The following TIMM23B variants were observed in gnomAD, a reference collection of about 807,000 sequenced individuals.
TIMM23B encodes mitochondrial import inner membrane translocase subunit Tim23B.
TIMM23B carries 27 observed loss-of-function variants against 27.3 expected under a neutral mutation model. The ratio of observed to expected loss-of-function variants is 0.99; its 90% CI spans 0.73 to 1.36. The LOEUF (loss-of-function observed/expected upper bound fraction) is 1.36, where lower values mean the gene tolerates loss of function less well. TIMM23B is among the 40% of genes most tolerant of loss of function. TIMM23B has a pLI of 0.00. For synonymous variants in TIMM23B, 73 were observed against 92.4 expected, an observed-to-expected ratio of 0.79 and a Z score of 1.21; for missense variants, 205 against 244.2, an observed-to-expected ratio of 0.84 and a Z score of 1.07.
chr10:49,957,812 T>A (rs1283557906), intron 5 of TIMM23B, among the ~76,000 whole-genome samples: 1 of 152,182 alleles, frequency 6.6e-6, no homozygotes, highest in Non-Finnish European at 1.5e-5. Flanking sequence ...GACAACCTTA[T>A]AGAACTGTGA....
chr10:49,965,402 A>C (rs2132051534), intron 6 of TIMM23B, among the ~76,000 whole-genome samples: 1 of 150,888 alleles, frequency 6.6e-6, no homozygotes, highest in East Asian at 2.0e-4. Flanking sequence ...AGTCTACGTC[A>C]TGAAATTGAA....
At chr10:49,958,330 A>C in intron 5 of TIMM23B, 40 bp from the exon 6 acceptor site, 5 of 1,542,880 alleles carry the variant, frequency 3.2e-6, no homozygotes, top group Non-Finnish European at 4.5e-6. Context: ...ATCACACTTT[A>C]TCACTGTTTT....
chr10:49,952,604 A>G, intron 4 of TIMM23B, 71 bp downstream of exon 4: 3 of 1,543,332 alleles, frequency 1.9e-6, no homozygotes, highest in Non-Finnish European at 2.7e-6. Flanking sequence ...TTTGATGAGT[A>G]CAACCTTGAG....
In TIMM23B at chr10:49,942,240, G is replaced by A. The variant is rs1839135640; in HGVS notation, c.46G>A (p.Ala16Thr). 1.2e-6 allele frequency: 2 copies of A among 1,612,670 alleles called. No individual in the cohort carries two copies. The highest frequency in any genetic ancestry group is 2.7e-5 in the African/African-American group (2 of 75,020). The change falls in exon 1 of 7, where the codon GCC becomes ACC. Residue 16 changes from alanine (A) to threonine (T), a missense_variant. Transcript: ENST00000651259. ...GSGDKTTGVL[A>T]GFFGAGEAGY... Reference sequence around the variant, plus strand: ...CGGCGACAAAACCACAGGGGTATTGGCCGGCTTTTTCGGAGCCGGCGAAGC... The same window carrying A: ...CGGCGACAAAACCACAGGGGTATTGACCGGCTTTTTCGGAGCCGGCGAAGC...
At chr10:49,960,055 AT>A (rs1403210713) in intron 6 of TIMM23B, among the ~76,000 whole-genome samples, 4 of 120,524 alleles carry the variant, frequency 3.3e-5, no homozygotes, top group Admixed American at 8.4e-5. Flanking sequence ...GCTTATTTTA[AT>A]TTTTTTTTTA....
chr10:49,950,829 A>G (rs1839507287), intron 2 of TIMM23B, among the ~76,000 whole-genome samples: 1 of 152,188 alleles, frequency 6.6e-6, no homozygotes, highest in Non-Finnish European at 1.5e-5. Context: ...GGCGGGAGGC[A>G]CCGTGCCTGG....
chr10:49,965,269 A>G lies in TIMM23B; in HGVS notation c.514+6789A>G, dbSNP rs1840088487. On this transcript the variant is annotated intron_variant, in intron 6 of 6. Transcript: ENST00000651259. ...AAATGAAATAATGAAATTAATAATG[A>G]AATGTGGGTGGCGCACTCCAGCCTG... Among the ~76,000 whole-genome samples the G allele has an allele frequency of 2.0e-5, 3 of 148,820 alleles. No individual in the cohort carries two copies. In the South Asian group the frequency reaches 6.5e-4, roughly 32 times the overall value.
rs1309574848 is a variant in TIMM23B at position 49,948,337 on chromosome 10, A to G, written c.165+3247A>G. Reference sequence around the variant, plus strand: ...TTCTCAAAGTGTTAAAAATAGAGTTACCTTATGACTGGCAATTTCACTTGC... The same window carrying G: ...TTCTCAAAGTGTTAAAAATAGAGTTGCCTTATGACTGGCAATTTCACTTGC... On this transcript the variant is annotated intron_variant, in intron 2 of 6. Transcript: ENST00000651259. Among the ~76,000 whole-genome samples the G allele has an allele frequency of 2.0e-5, 3 of 152,118 alleles. No homozygotes were observed. In the East Asian group the frequency reaches 5.8e-4, roughly 29 times the overall value.
At chr10:49,962,226 C>T (rs1274801412) in intron 6 of TIMM23B, among the ~76,000 whole-genome samples, 67 of 139,848 alleles carry the variant, frequency 4.8e-4, no homozygotes, top group Middle Eastern at 3.5e-3. Flanking sequence ...TTTTTTTAAA[C>T]GGAGTTTTGC....
chr10:49,942,707 G>A (rs1415901443), intron 1 of TIMM23B, among the ~76,000 whole-genome samples: 1 of 152,136 alleles, frequency 6.6e-6, no homozygotes, highest in African/African-American at 2.4e-5. Flanking sequence ...CCAAGTAGCC[G>A]TAAGGGCAGA....
intron 6 of TIMM23B, among the ~76,000 whole-genome samples, chr10:49,960,310 C>T (rs1314352834): frequency 0.057 from 8,525 of 149,710 alleles, 340 homozygotes; most frequent in African/African-American, 0.081. Context: ...CTCAGCCTCC[C>T]AAAGTGCTAG....
intron 6 of TIMM23B, among the ~76,000 whole-genome samples, chr10:49,960,956 T>C (rs1282444448): frequency 6.7e-6 from 1 of 149,864 alleles, no homozygotes; most frequent in Non-Finnish European, 1.5e-5. Flanking sequence ...GACAGAGTAT[T>C]AGAATTATCT....
chr10:49,966,237 C>T (rs1427156589), intron 6 of TIMM23B, among the ~76,000 whole-genome samples: 3 of 150,194 alleles, frequency 2.0e-5, no homozygotes, highest in Non-Finnish European at 4.4e-5. Flanking sequence ...GGTGCGGTGG[C>T]GCACTCCAGC....
At chr10:49,945,537 C>T (rs1219226026) in intron 2 of TIMM23B, among the ~76,000 whole-genome samples, 9 of 152,164 alleles carry the variant, frequency 5.9e-5, no homozygotes, top group African/African-American at 1.9e-4. Context: ...CCCATCACCA[C>T]GCCTGGCTAA....
intron 2 of TIMM23B, among the ~76,000 whole-genome samples, chr10:49,949,184 C>T (rs1181139657): frequency 6.9e-6 from 1 of 145,194 alleles, no homozygotes; most frequent in Admixed American, 6.9e-5. Context: ...AGGCATGAGC[C>T]ACCATGCCTG....
At chr10:49,947,193 G>A (rs1839379727) in intron 2 of TIMM23B, among the ~76,000 whole-genome samples, 1 of 152,246 alleles carries the variant, frequency 6.6e-6, no homozygotes, top group Non-Finnish European at 1.5e-5. Flanking sequence ...GGCACAAGTA[G>A]TTGTGACTTT....
chr10:49,959,309 A>G (rs1299831145), intron 6 of TIMM23B, among the ~76,000 whole-genome samples: 1 of 152,194 alleles, frequency 6.6e-6, no homozygotes, highest in East Asian at 1.9e-4. Flanking sequence ...AGCATATTAA[A>G]CTATCACAAG....
rs1378418506 is a variant in TIMM23B, at chr10:49,960,218, T to A, written c.514+1738T>A. Among the ~76,000 whole-genome samples, 33 of 151,328 alleles carry A rather than the reference T, an allele frequency of 2.2e-4. 1 individual carries two copies. The highest frequency in any genetic ancestry group is 7.8e-4 in the African/African-American group (32 of 41,196). ...GCCTCCACACCCAGCTAATTTTTTT[T>A]TTTTTTTTCTTTTTCGGAGATGGGG... On this transcript the variant is annotated intron_variant, in intron 6 of 6. Coordinates refer to ENST00000651259, the MANE Select transcript of TIMM23B (RefSeq NM_001290117.2).
intron 6 of TIMM23B, among the ~76,000 whole-genome samples, chr10:49,961,918 C>A (rs1839930384): frequency 6.7e-6 from 1 of 150,202 alleles, no homozygotes; most frequent in East Asian, 1.9e-4. Flanking sequence ...TTTGACTCCC[C>A]ATAGTACTGT....
Sources: allele counts gnomAD v4.1 joint callset (sites outside exome capture counted in the v4.1 genomes callset), GRCh38; gene constraint gnomAD v4.1.1; transcripts MANE v1.5; gene names NCBI Gene and HGNC (gene_info 2026-07-23, HGNC 2026-07-21).